Variants in MALRD1 observed in about 807,000 individuals in gnomAD.
The protein encoded by MALRD1 is MAM and LDL-receptor class A domain-containing protein 1.
A neutral mutation model predicts 242.1 loss-of-function variants in MALRD1; 247 were observed. The ratio of observed to expected loss-of-function variants is 1.02; its 90% confidence interval spans 0.92 to 1.13. The LOEUF is 1.13. MALRD1 is among the 50% of genes most tolerant of loss of function. The pLI, the probability that MALRD1 is intolerant of heterozygous loss-of-function variation, is 0.00. For synonymous variants in MALRD1, 995 were observed against 866.6 expected, an observed-to-expected ratio of 1.15 and a Z score of -2.60; for missense variants, 2,989 against 2,533.1, an observed-to-expected ratio of 1.18 and a Z score of -3.86.
At position 19,088,110 on chromosome 10, in the gene MALRD1, ATGGCAAAACACAGC is replaced by A; in HGVS notation, c.525_538del (p.Trp175CysfsTer24). 1 of 1,233,606 alleles carries A rather than the reference ATGGCAAAACACAGC, an allele frequency of 8.1e-7. No homozygotes were observed. The highest frequency in any genetic ancestry group is 1.0e-6 in the Non-Finnish European group (1 of 987,912). 76.4% of individuals were successfully genotyped at this position (1,233,606 alleles called of 1,614,324 possible). ...CATGTGGAGGTCCTATTCAGCATTT[ATGGCAAAACACAGC>A]TGCACTCCCAAATCAGTGGGAGAGA... is the stretch of plus-strand genomic sequence containing the variant. On this transcript the variant is annotated frameshift_variant, in exon 4 of 40. Transcript: ENST00000454679. LOFTEE classifies it high-confidence loss of function.
intron 21 of MALRD1, among the ~76,000 whole-genome samples, chr10:19,310,895 A>T (rs1842398690): frequency 1.3e-5 from 2 of 151,446 alleles, no homozygotes; most frequent in South Asian, 4.1e-4. Context: ...GTATTAATTC[A>T]CTTAACTCCC....
At chr10:19,129,988 A>T (rs1432687855) in intron 8 of MALRD1, among the ~76,000 whole-genome samples, 1 of 151,408 alleles carries the variant, frequency 6.6e-6, no homozygotes, top group Non-Finnish European at 1.5e-5. Context: ...ACACATATAG[A>T]TATATAAAGT....
rs557687550 is a variant in MALRD1 at position 19,705,259 on chromosome 10, A to G, written c.6314+12705A>G. ...CACCGATGAATATTTATCCTTAGCA[A>G]AAATCAAAATCTTGCTTACTCTATA... On this transcript the variant is annotated intron_variant, in intron 38 of 39. Transcript: ENST00000454679. 1.2e-4 allele frequency among the ~76,000 whole-genome samples: 18 copies of G among 152,250 alleles called. No individual in the cohort carries two copies. The South Asian group carries it at 2.7e-3, about 23-fold the overall frequency.
At chr10:19,363,198 A>C (rs1177722906) in intron 26 of MALRD1, among the ~76,000 whole-genome samples, 1 of 152,144 alleles carries the variant, frequency 6.6e-6, no homozygotes, top group South Asian at 2.1e-4. Context: ...AAAATCATCA[A>C]AGAATGAATA....
intron 25 of MALRD1, among the ~76,000 whole-genome samples, chr10:19,348,844 T>G (rs183730562): frequency 6.6e-6 from 1 of 152,138 alleles, no homozygotes; most frequent in African/African-American, 2.4e-5. Flanking sequence ...GATACAGAAA[T>G]AAATACATTT....
At chr10:19,075,411 G>C (rs552574998) in intron 2 of MALRD1, among the ~76,000 whole-genome samples, 1 of 152,174 alleles carries the variant, frequency 6.6e-6, no homozygotes, top group East Asian at 1.9e-4. Context: ...AGCAGAAGTG[G>C]AAGGCAGGAG....
At chr10:19,228,909 T>A (rs1588729869) in intron 18 of MALRD1, among the ~76,000 whole-genome samples, 1 of 151,936 alleles carries the variant, frequency 6.6e-6, no homozygotes, top group African/African-American at 2.4e-5. Context: ...TATTTCAAAA[T>A]GAAAAATTGA....
intron 7 of MALRD1, among the ~76,000 whole-genome samples, chr10:19,125,530 C>CTT (rs144620475): frequency 1.2e-4 from 17 of 146,160 alleles, no homozygotes; most frequent in African/African-American, 4.3e-4. Flanking sequence ...ATTCTTTTTG[C>CTT]TTTTTTTTCT....
intron 11 of MALRD1, among the ~76,000 whole-genome samples, chr10:19,150,550 T>A (rs149736939): frequency 6.6e-6 from 1 of 152,300 alleles, no homozygotes; most frequent in East Asian, 1.9e-4. Context: ...ACCACACTCC[T>A]GTGTTTCCCC....
At chr10:19,079,258 T>C (rs1028111333) in intron 2 of MALRD1, among the ~76,000 whole-genome samples, 1 of 151,842 alleles carries the variant, frequency 6.6e-6, no homozygotes, top group African/African-American at 2.4e-5. Context: ...TTTAGGAGAC[T>C]ATTATTTAAT....
chr10:19,298,463 G>A (rs1156543231), intron 21 of MALRD1, among the ~76,000 whole-genome samples: 1 of 151,978 alleles, frequency 6.6e-6, no homozygotes, highest in Non-Finnish European at 1.5e-5. Flanking sequence ...GATAGGAAAG[G>A]AAACAAGGGG....
rs551455240 is a variant in MALRD1 at position 19,692,307 on chromosome 10, C to T, written c.6163C>T (p.Arg2055Ter). The change falls in exon 37 of 40, where the codon CGA (arginine) becomes TGA (stop). Residue 2055 changes from arginine (R) to a stop codon, truncating the protein, a stop_gained. Coordinates refer to ENST00000454679, the MANE Select transcript of MALRD1 (RefSeq NM_001142308.3). LOFTEE classifies it high-confidence loss of function. ...CRCRQGWKGN[R>*]CHIKFNPPAT... ...ATGTAGACAAGGCTGGAAAGGAAAT[C>T]GATGCCATATCAAGTTTAATCCTCC... 1.6e-5 allele frequency: 24 copies of T among 1,534,956 alleles called. No individual in the cohort carries two copies. The East Asian group carries it at 2.0e-4, about 13-fold the overall frequency.
intron 26 of MALRD1, among the ~76,000 whole-genome samples, chr10:19,370,495 T>C (rs888841560): frequency 6.6e-6 from 1 of 152,160 alleles, no homozygotes; most frequent in East Asian, 1.9e-4. Flanking sequence ...GTCATACTGG[T>C]TTTTTTGCTG....
intron 32 of MALRD1, among the ~76,000 whole-genome samples, chr10:19,561,524 A>T (rs1016172299): frequency 4.6e-5 from 7 of 152,188 alleles, no homozygotes; most frequent in Non-Finnish European, 1.0e-4. Flanking sequence ...TGTTAGGTGC[A>T]TACACATAAA....
intron 28 of MALRD1, among the ~76,000 whole-genome samples, chr10:19,443,418 G>A (rs1304349491): frequency 6.6e-6 from 1 of 152,102 alleles, no homozygotes; most frequent in Non-Finnish European, 1.5e-5. Context: ...ATGTTAGGGT[G>A]TCAATTTTAG....
Position 19,389,451 on chromosome 10 carries a change from G to A in MALRD1, c.4688-1G>A. ...TCTCTGAATTCTGTCCTTGTTCCTA[G>A]GGCACTTCATGTATCTGGAAGCTAC... On this transcript the variant is annotated splice_acceptor_variant, in intron 27 of 39. Transcript: ENST00000454679. LOFTEE classifies it high-confidence loss of function. The A allele has an allele frequency of 1.3e-6, 2 of 1,549,944 alleles. No homozygotes were observed. Among genetic ancestry groups the A allele is most frequent in the East Asian group, 2.4e-5 (1 of 40,898 alleles).
At chr10:19,500,836 T>A (rs1482553972) in intron 31 of MALRD1, among the ~76,000 whole-genome samples, 2 of 152,172 alleles carry the variant, frequency 1.3e-5, no homozygotes, top group African/African-American at 4.8e-5. Context: ...CACTTAACTA[T>A]TTCTCAAATG....
chr10:19,607,733 A>G, intron 34 of MALRD1, 44 bp from the exon 35 acceptor site: 1 of 1,524,648 alleles, frequency 6.6e-7, no homozygotes, highest in Non-Finnish European at 8.8e-7. Flanking sequence ...GGACAAAAAA[A>G]AATCATGCTG....
chr10:19,155,644 G>A (rs1834115573), intron 12 of MALRD1, among the ~76,000 whole-genome samples: 1 of 152,192 alleles, frequency 6.6e-6, no homozygotes, highest in Non-Finnish European at 1.5e-5. Context: ...AGAGAGGACG[G>A]ACTAGTTAGA....
Sources: gnomAD v4.1 joint callset for allele counts (sites outside exome capture counted in the v4.1 genomes callset) on GRCh38, gnomAD v4.1.1 for gene constraint, MANE v1.5 for transcripts, NCBI Gene and HGNC (gene_info 2026-07-23, HGNC 2026-07-21) for gene names.